The following PCDHA9 variants were observed in gnomAD, a reference collection of about 807,000 sequenced individuals.
PCDHA9 encodes protocadherin alpha-9.
PCDHA9 carries 62 observed loss-of-function variants against 62.0 expected under a neutral mutation model. The ratio of observed to expected loss-of-function variants is 1.00; its 90% CI spans 0.81 to 1.23. The LOEUF is 1.23. PCDHA9 is among the 50% of genes most tolerant of loss of function. The pLI is 0.00. For missense variants in PCDHA9, 1,205 were observed against 1,249.8 expected (o/e 0.96, Z 0.54); for synonymous variants, 557 against 567.6 (o/e 0.98, Z 0.27).
chr5:140,977,464 T>C (rs1245985019), intron 1 of PCDHA9, among the ~76,000 whole-genome samples: 1 of 152,256 alleles, frequency 6.6e-6, no homozygotes, highest in Non-Finnish European at 1.5e-5. Flanking sequence ...TGATTTGGTC[T>C]GTAGATAATT....
At chr5:140,979,350 A>T (rs113796939) in intron 2 of PCDHA9, among the ~76,000 whole-genome samples, 1,685 of 150,698 alleles carry the variant, frequency 0.011, 22 homozygotes, top group East Asian at 0.044. Flanking sequence ...TGTAATTAAT[A>T]CTCATGCTTT....
intron 1 of PCDHA9, among the ~76,000 whole-genome samples, chr5:140,878,826 C>G (rs1048428036): frequency 1.3e-5 from 2 of 152,182 alleles, no homozygotes; most frequent in Non-Finnish European, 2.9e-5. Flanking sequence ...CTATGTTGCA[C>G]AGGCTGGACT....
chr5:141,006,426 G>A (rs2153987618), intron 3 of PCDHA9, among the ~76,000 whole-genome samples: 1 of 152,170 alleles, frequency 6.6e-6, no homozygotes, highest in Admixed American at 6.5e-5. Context: ...TGTTAGCCAG[G>A]ATGGTCTCAA....
intron 1 of PCDHA9, chr5:140,853,122 T>A: frequency 1.9e-6 from 1 of 528,258 alleles, no homozygotes; most frequent in Non-Finnish European, 2.5e-6. Flanking sequence ...CTCATGATCC[T>A]CCCGCCTCAG....
intron 1 of PCDHA9, among the ~76,000 whole-genome samples, chr5:140,937,501 C>T (rs2091550832): frequency 6.6e-6 from 1 of 152,126 alleles, no homozygotes; most frequent in Admixed American, 6.5e-5. Context: ...CCCGTAATCC[C>T]AGCTACTCAG....
intron 1 of PCDHA9, among the ~76,000 whole-genome samples, chr5:140,891,795 A>T (rs2063252569): frequency 6.6e-6 from 1 of 152,178 alleles, no homozygotes; most frequent in South Asian, 2.1e-4. Flanking sequence ...ATTATGAGGG[A>T]TCTGCCCTCA....
chr5:140,952,041 T>C (rs1202542852), intron 1 of PCDHA9, among the ~76,000 whole-genome samples: 1 of 152,108 alleles, frequency 6.6e-6, no homozygotes, highest in African/African-American at 2.4e-5. Flanking sequence ...AGTAGGGCAG[T>C]TATTAAATCT....
intron 1 of PCDHA9, among the ~76,000 whole-genome samples, chr5:140,895,293 G>A (rs759197253): frequency 5.9e-5 from 9 of 151,430 alleles, no homozygotes; most frequent in African/African-American, 9.7e-5. Flanking sequence ...TAGGACCTTC[G>A]ATTTCCCCCC....
At chr5:140,927,040 A>G in intron 1 of PCDHA9, 1 of 1,612,350 alleles carries the variant, frequency 6.2e-7, no homozygotes, top group Non-Finnish European at 8.5e-7. Context: ...AGCGGCCGCT[A>G]TGTCCTCGCG....
chr5:140,987,358 T>C (rs1554249108), intron 3 of PCDHA9, among the ~76,000 whole-genome samples: 2 of 152,208 alleles, frequency 1.3e-5, no homozygotes, highest in Non-Finnish European at 2.9e-5. Context: ...CCTGAGGTTG[T>C]CTTATATCAT....
chr5:140,964,000 T>C (rs900134447), intron 1 of PCDHA9, among the ~76,000 whole-genome samples: 2 of 152,218 alleles, frequency 1.3e-5, no homozygotes, highest in African/African-American at 2.4e-5. Flanking sequence ...TACTGTGTTC[T>C]ACTTTTTAAT....
chr5:140,902,488 G>T (rs1357036471), intron 1 of PCDHA9, among the ~76,000 whole-genome samples: 2 of 152,096 alleles, frequency 1.3e-5, no homozygotes, highest in African/African-American at 4.8e-5. Context: ...TGCTCAGTAT[G>T]ATACTAGCTG....
intron 1 of PCDHA9, among the ~76,000 whole-genome samples, chr5:140,902,102 GA>G (rs782818661): frequency 1.3e-5 from 2 of 151,098 alleles, no homozygotes; most frequent in Non-Finnish European, 2.9e-5. Context: ...GGAGTCTTTA[GA>G]TTTTTTTAAA....
chr5:140,982,416 A>C, intron 2 of PCDHA9, 59 bp from the exon 3 acceptor site: 1 of 1,610,294 alleles, frequency 6.2e-7, no homozygotes, highest in Non-Finnish European at 8.5e-7. Context: ...TGAGGGTGGA[A>C]GAAGAGATGG....
At chr5:140,861,422 T>G in intron 1 of PCDHA9, 1 of 482,430 alleles carries the variant, frequency 2.1e-6, no homozygotes, top group Admixed American at 2.1e-5. Flanking sequence ...CGCGCCTGTT[T>G]CAGTTGGATT....
chr5:140,903,121 C>A (rs2070010801), intron 1 of PCDHA9, among the ~76,000 whole-genome samples: 2 of 152,188 alleles, frequency 1.3e-5, no homozygotes, highest in Non-Finnish European at 2.9e-5. Flanking sequence ...ACTTCTAAAT[C>A]TTTAAGAAAT....
chr5:140,871,210 A>T (rs2052831697), intron 1 of PCDHA9: 2 of 1,613,818 alleles, frequency 1.2e-6, no homozygotes, highest in Middle Eastern at 1.7e-4. Flanking sequence ...GATCATCGCC[A>T]TCTGCGTGGT....
intron 3 of PCDHA9, among the ~76,000 whole-genome samples, chr5:141,004,046 C>A (rs79317939): frequency 0.03 from 4,581 of 152,294 alleles, 86 homozygotes; most frequent in Non-Finnish European, 0.047. Flanking sequence ...TGATCATTTG[C>A]TGATACTGGC....
Position 140,982,486 on chromosome 5 carries a change from T to C in PCDHA9, c.2465T>C (p.Leu822Pro). ...LRAGMHSSVH[L>P]EEAGILRAGP... Reference sequence around the variant, plus strand: ...GTGTGTTTATTCAGCTCTGTGCACCTAGAGGAGGCTGGCATTCTACGGGCT... The same window carrying C: ...GTGTGTTTATTCAGCTCTGTGCACCCAGAGGAGGCTGGCATTCTACGGGCT... Residue 822 changes from leucine to proline, a missense_variant, in exon 3 of 4, where the codon CTA (leucine) becomes CCA (proline). Physicochemically the swap from Leu to Pro is moderately conservative, Grantham distance 98. This residue lies in a region of PCDHA9 where 887 missense variants were observed against 809.5 expected (regional missense o/e 1.10). Coordinates refer to ENST00000532602, the MANE Select transcript of PCDHA9 (RefSeq NM_031857.2). The C allele has an allele frequency of 6.2e-7, 1 of 1,614,180 alleles. No individual in the cohort carries two copies. Among genetic ancestry groups the C allele is most frequent in the South Asian group, 1.1e-5 (1 of 91,086 alleles).
Sources: allele counts gnomAD v4.1 joint callset (sites outside exome capture counted in the v4.1 genomes callset), GRCh38; gene constraint gnomAD v4.1.1; regional missense constraint gnomAD v4.1.1; transcripts MANE v1.5; gene names NCBI Gene and HGNC (gene_info 2026-07-23, HGNC 2026-07-21).